ATP9A: variants seen among roughly 807,000 people sequenced by gnomAD.
The protein encoded by ATP9A is ATPase phospholipid transporting 9A.
ATP9A carries 52 observed loss-of-function variants against 144.1 expected under a neutral mutation model. The ratio of observed to expected loss-of-function variants is 0.36; its 90% CI spans 0.29 to 0.45. The LOEUF is 0.45. Among genes scored for constraint, ATP9A ranks in the 20% least tolerant of loss-of-function variants. The pLI is 1.00. For missense variants in ATP9A, 947 were observed against 1,392.7 expected (o/e 0.68, Z 5.09); for synonymous variants, 582 against 557.4 (o/e 1.04, Z -0.62).
At chr20:51,751,520 T>G (rs944373760) in intron 1 of ATP9A, among the ~76,000 whole-genome samples, 3 of 152,048 alleles carry the variant, frequency 2.0e-5, no homozygotes, top group African/African-American at 7.2e-5. Context: ...CCTCCGCCTC[T>G]CAAAATGCTG....
intron 13 of ATP9A, among the ~76,000 whole-genome samples, chr20:51,661,443 A>G (rs1201195450): frequency 1.3e-5 from 2 of 150,752 alleles, no homozygotes; most frequent in African/African-American, 4.9e-5. Context: ...AGCTCACTGC[A>G]GCCTCAACCT....
intron 3 of ATP9A, among the ~76,000 whole-genome samples, chr20:51,717,900 G>A (rs1166105399): frequency 2.0e-5 from 3 of 151,594 alleles, no homozygotes. Context: ...GCTGCAGTGA[G>A]CTGAGATCAC....
chr20:51,742,745 C>T (rs775578556), intron 1 of ATP9A, among the ~76,000 whole-genome samples: 50 of 152,148 alleles, frequency 3.3e-4, no homozygotes, highest in Admixed American at 7.2e-4. Context: ...AAACACCTGA[C>T]CTAAAGTGAT....
intron 27 of ATP9A, among the ~76,000 whole-genome samples, chr20:51,602,518 G>T (rs779708250): frequency 5.3e-5 from 8 of 152,350 alleles, no homozygotes; most frequent in Middle Eastern, 3.4e-3. Flanking sequence ...ACGCTTTCTA[G>T]AGACTAGTGA....
chr20:51,646,010 A>G (rs936385395), intron 14 of ATP9A, among the ~76,000 whole-genome samples: 1 of 152,226 alleles, frequency 6.6e-6, no homozygotes, highest in Non-Finnish European at 1.5e-5. Flanking sequence ...GAACAGATAC[A>G]TTAGACGCGA....
chr20:51,674,347 G>A (rs2077468507), intron 10 of ATP9A, 34 bp from the exon 11 acceptor site: 1 of 1,607,500 alleles, frequency 6.2e-7, no homozygotes, highest in Non-Finnish European at 8.5e-7. Context: ...GGCTTGAGAT[G>A]AGCTGGTGTA....
At position 51,705,055 on chromosome 20, in the gene ATP9A, T is replaced by C. The variant is rs150563043; in HGVS notation, c.437-7573A>G. On this transcript the variant is annotated intron_variant, in intron 4 of 27. Transcript: ENST00000338821. ...AAAAAAATCATAATGCATATCTTAG[T>C]GTTCTCCATGTCTGGACAGAGCTTA... 1.7e-3 allele frequency among the ~76,000 whole-genome samples: 255 copies of C among 152,340 alleles called. 5 individuals are homozygous for C. In the East Asian group the frequency reaches 0.042, roughly 25 times the overall value.
At chr20:51,654,115 A>G (rs1232309146) in intron 14 of ATP9A, among the ~76,000 whole-genome samples, 1 of 152,094 alleles carries the variant, frequency 6.6e-6, no homozygotes. Context: ...CTCTTTCTGC[A>G]CACAATTCCC....
intron 9 of ATP9A, among the ~76,000 whole-genome samples, chr20:51,688,422 A>G (rs1009205207): frequency 1.3e-5 from 2 of 152,064 alleles, no homozygotes; most frequent in Non-Finnish European, 2.9e-5. Context: ...GTGAAACCCC[A>G]TCTCTACTAA....
chr20:51,699,810 T>C (rs542421693), intron 4 of ATP9A, among the ~76,000 whole-genome samples: 4 of 152,108 alleles, frequency 2.6e-5, no homozygotes, highest in African/African-American at 4.8e-5. Context: ...GACTGGCTAA[T>C]TTTTGTAGTT....
At chr20:51,616,974 T>C (rs1254467981) in intron 22 of ATP9A, among the ~76,000 whole-genome samples, 1 of 150,778 alleles carries the variant, frequency 6.6e-6, no homozygotes, top group Non-Finnish European at 1.5e-5. Context: ...CAGAGTCTTG[T>C]TCTGTTGCCC....
At chr20:51,763,012 GC>G (rs1555846565) in intron 1 of ATP9A, among the ~76,000 whole-genome samples, 1 of 151,476 alleles carries the variant, frequency 6.6e-6, no homozygotes, top group East Asian at 2.0e-4. Flanking sequence ...GAGCCACCAA[GC>G]CCAACTGAAA....
At chr20:51,603,470 G>C (rs2122703147) in intron 27 of ATP9A, among the ~76,000 whole-genome samples, 1 of 152,304 alleles carries the variant, frequency 6.6e-6, no homozygotes, top group Non-Finnish European at 1.5e-5. Flanking sequence ...CAGGTTTCTA[G>C]ACAGGAATTA....
intron 21 of ATP9A, 93 bp from the exon 22 acceptor site, chr20:51,617,647 G>A (rs1385775035): frequency 4.2e-6 from 6 of 1,428,966 alleles, no homozygotes; most frequent in Non-Finnish European, 5.8e-6. Context: ...GTCTTTCACG[G>A]AGCGCTTGCT....
At chr20:51,728,311 GA>G (rs1240440486) in intron 2 of ATP9A, among the ~76,000 whole-genome samples, 1 of 152,084 alleles carries the variant, frequency 6.6e-6, no homozygotes, top group African/African-American at 2.4e-5. Context: ...AACCAGCAAT[GA>G]ATATAGTCAA....
intron 13 of ATP9A, among the ~76,000 whole-genome samples, chr20:51,662,438 G>A (rs542988048): frequency 4.6e-5 from 7 of 151,790 alleles, no homozygotes; most frequent in Admixed American, 3.9e-4. Context: ...CCAGCTACTC[G>A]GCAGGCTGAG....
chr20:51,609,183 A>G (rs938349184), intron 24 of ATP9A, among the ~76,000 whole-genome samples: 7 of 152,128 alleles, frequency 4.6e-5, no homozygotes, highest in Non-Finnish European at 7.3e-5. Flanking sequence ...ACCCACGGGA[A>G]AGATGGGACC....
intron 14 of ATP9A, among the ~76,000 whole-genome samples, chr20:51,650,081 G>C (rs1427932879): frequency 6.6e-6 from 1 of 152,104 alleles, no homozygotes; most frequent in Non-Finnish European, 1.5e-5. Flanking sequence ...CCACTGGGAG[G>C]CTACAGGAAC....
At chr20:51,712,339 G>A (rs2077643262) in intron 4 of ATP9A, among the ~76,000 whole-genome samples, 1 of 152,178 alleles carries the variant, frequency 6.6e-6, no homozygotes, top group Non-Finnish European at 1.5e-5. Context: ...CTCCCAAAGT[G>A]CTGGGATTAC....
Sources: allele counts gnomAD v4.1 joint callset (sites outside exome capture counted in the v4.1 genomes callset), GRCh38; gene constraint gnomAD v4.1.1; transcripts MANE v1.5; gene names NCBI Gene and HGNC (gene_info 2026-07-23, HGNC 2026-07-21).